Variants in DNAAF4 observed in about 807,000 individuals in gnomAD.
The protein encoded by DNAAF4 is dynein assembly factor 4, axonemal.
A neutral mutation model predicts 51.8 loss-of-function variants in DNAAF4; 43 were observed. The ratio of observed to expected loss-of-function variants is 0.83; its 90% CI spans 0.65 to 1.07. The LOEUF (loss-of-function observed/expected upper bound fraction) is 1.07. Among genes scored for constraint, DNAAF4 ranks in the 50% least tolerant of loss-of-function variants. DNAAF4 has a pLI of 0.00. For synonymous variants in DNAAF4, 194 were observed against 165.6 expected, an observed-to-expected ratio of 1.17 and a Z score of -1.32; for missense variants, 581 against 493.0, an observed-to-expected ratio of 1.18 and a Z score of -1.69.
chr15:55,507,909 C>T (rs976709629), intron 1 of DNAAF4, among the ~76,000 whole-genome samples: 1 of 152,038 alleles, frequency 6.6e-6, no homozygotes, highest in Non-Finnish European at 1.5e-5. Context: ...GAATGTGGTC[C>T]TCCCCACCAC....
chr15:55,428,490 T>C (rs112575079), downstream of DNAAF4, among the ~76,000 whole-genome samples: 1,583 of 89,952 alleles, frequency 0.018, 20 homozygotes, highest in African/African-American at 0.044. Flanking sequence ...TTTTCTTTTT[T>C]TTTTTTTTTT....
intron 5 of DNAAF4, among the ~76,000 whole-genome samples, chr15:55,456,009 T>A (rs1222530221): frequency 6.6e-6 from 1 of 152,000 alleles, no homozygotes; most frequent in Non-Finnish European, 1.5e-5. Context: ...TTATTATATA[T>A]GTGATTTTAC....
At position 55,498,451 on chromosome 15, in the gene DNAAF4, C is replaced by G. The variant is rs1172409152; in HGVS notation, c.-122G>C. 10 of 1,437,918 alleles carry G rather than the reference C, an allele frequency of 7.0e-6. No individual in the cohort carries two copies. The highest frequency in any genetic ancestry group is 8.3e-6 in the Non-Finnish European group (9 of 1,088,838). 89.1% of individuals were successfully genotyped at this position (1,437,918 alleles called of 1,614,324 possible). Reference sequence around the variant, plus strand: ...TCAGGCCGGCCGGGAGCCCGGCGTTCCCAGCGTGCTCCGGCGCCAGCACCT... The same window carrying G: ...TCAGGCCGGCCGGGAGCCCGGCGTTGCCAGCGTGCTCCGGCGCCAGCACCT... On this transcript the variant is annotated 5_prime_UTR_variant, in exon 2 of 10. Coordinates refer to ENST00000321149, the MANE Select transcript of DNAAF4 (RefSeq NM_130810.4).
At chr15:55,458,725 T>G (rs923240750) in intron 5 of DNAAF4, among the ~76,000 whole-genome samples, 11 of 152,158 alleles carry the variant, frequency 7.2e-5, no homozygotes, top group African/African-American at 2.7e-4. Context: ...GATCATTGCC[T>G]AGGCACATAG....
chr15:55,505,702 T>G (rs2058723733), intron 1 of DNAAF4, among the ~76,000 whole-genome samples: 1 of 145,800 alleles, frequency 6.9e-6, no homozygotes, highest in African/African-American at 2.6e-5. Flanking sequence ...CACTCGTAAG[T>G]GGGAGTTGAA....
Position 55,497,812 on chromosome 15 carries a change from T to C in DNAAF4, c.171A>G (p.Ile57Met). The stretch of plus-strand genomic sequence containing the variant: ...TCTTTGCTTTGCTGCTCTCATCGTC[T>C]ATGGGAGCATAAAGAAATGCCTCAA... Reference protein sequence around the residue: ...FLFEAFLYAPIDDESSKAKIG... With the variant: ...FLFEAFLYAPMDDESSKAKIG... The change falls in exon 3 of 10, where the codon ATA becomes ATG. Residue 57 changes from isoleucine to methionine, a missense_variant. Physicochemically the swap from Ile to Met is conservative, Grantham distance 10. Coordinates refer to ENST00000321149, the MANE Select transcript of DNAAF4 (RefSeq NM_130810.4). 6.2e-7 allele frequency: 1 copy of C among 1,613,738 alleles called. No individual in the cohort carries two copies. The highest frequency in any genetic ancestry group is 1.1e-5 in the South Asian group (1 of 90,930).
chr15:55,487,427 C>T lies in DNAAF4; in HGVS notation c.405+3696G>A, dbSNP rs533056496. ...CAGCACTCTGTAAAATGGACCAATC[C>T]GCAGGACATAGACGGGGACAAATAA... On this transcript the variant is annotated intron_variant, in intron 4 of 9. Coordinates refer to ENST00000321149, the MANE Select transcript of DNAAF4 (RefSeq NM_130810.4). Among the ~76,000 whole-genome samples, 356 of 151,654 alleles carry T rather than the reference C, an allele frequency of 2.3e-3. 3 individuals are homozygous for T. Among genetic ancestry groups the T allele is most frequent in the African/African-American group, 8.0e-3 (331 of 41,416 alleles).
Position 55,439,536 on chromosome 15 carries a change from T to C in DNAAF4, c.829A>G (p.Ile277Val), listed in dbSNP as rs144616491. 1.5e-4 allele frequency: 245 copies of C among 1,614,042 alleles called. No individual in the cohort carries two copies. The highest frequency in any genetic ancestry group is 2.0e-4 in the Non-Finnish European group (234 of 1,180,030). The change falls in exon 7 of 10, where the codon ATA becomes GTA. Residue 277 changes from isoleucine to valine, a missense_variant. Transcript: ENST00000321149. ...AEARRAMNTD[I>V]AELCDLKEEE... ...TCTTTTAAATCGCAAAGTTCAGCTA[T>C]GTCAGTATTCATTGCTCTTCGTGCC... is the stretch of plus-strand genomic sequence containing the variant.
intron 4 of DNAAF4, among the ~76,000 whole-genome samples, chr15:55,470,209 G>A (rs200029391): frequency 2.0e-4 from 31 of 152,008 alleles, no homozygotes; most frequent in East Asian, 5.9e-4. Flanking sequence ...ATACCACCAC[G>A]CCTGGCTAAT....
intron 4 of DNAAF4, among the ~76,000 whole-genome samples, chr15:55,489,313 A>G (rs1041464273): frequency 5.9e-5 from 9 of 151,804 alleles, no homozygotes; most frequent in Non-Finnish European, 1.2e-4. Context: ...AATAAAGAAA[A>G]GATGGAATTA....
At chr15:55,499,414 G>A (rs775721935) in intron 1 of DNAAF4, among the ~76,000 whole-genome samples, 5 of 152,190 alleles carry the variant, frequency 3.3e-5, no homozygotes, top group Admixed American at 6.5e-5. Context: ...AACCTGGGCA[G>A]AAACTTTTGC....
intron 9 of DNAAF4, among the ~76,000 whole-genome samples, chr15:55,431,211 C>A (rs766068783): frequency 2.0e-5 from 3 of 152,064 alleles, no homozygotes; most frequent in Non-Finnish European, 2.9e-5. Context: ...CCGTGCCCGG[C>A]CCCTAAATCT....
rs972346622 is a variant in DNAAF4 at position 55,430,450 on chromosome 15, A to C, written c.*220T>G. The C allele has an allele frequency of 9.6e-7, 1 of 1,042,200 alleles. No individual in the cohort carries two copies. Among genetic ancestry groups the C allele is most frequent in the Non-Finnish European group, 1.2e-6 (1 of 847,422 alleles). 64.6% of individuals were successfully genotyped at this position (1,042,200 alleles called of 1,614,324 possible). A position where few individuals can be genotyped will look rare whatever the true frequency, so the allele number is the denominator to read the frequency against. On this transcript the variant is annotated 3_prime_UTR_variant, in exon 10 of 10. Transcript: ENST00000321149. Reference sequence around the variant, plus strand: ...AAAAGTATACATATGTATTAATATGAAGAAATAAGGAATTAAAATAGATTC... The same window carrying C: ...AAAAGTATACATATGTATTAATATGCAGAAATAAGGAATTAAAATAGATTC...
chr15:55,443,204 G>T, intron 6 of DNAAF4: 1 of 1,609,910 alleles, frequency 6.2e-7, no homozygotes, highest in South Asian at 1.1e-5. Context: ...TTCCAGCTGG[G>T]GTTGGGGACA....
At chr15:55,427,978 G>C (rs1291925804), downstream of DNAAF4, among the ~76,000 whole-genome samples, 1 of 151,532 alleles carries the variant, frequency 6.6e-6, no homozygotes, top group Non-Finnish European at 1.5e-5. Context: ...TGGAGATGGA[G>C]TTTCACTCCT....
At chr15:55,426,499 G>A (rs2057431848), downstream of DNAAF4, among the ~76,000 whole-genome samples, 1 of 152,192 alleles carries the variant, frequency 6.6e-6, no homozygotes, top group African/African-American at 2.4e-5. Flanking sequence ...CCAAGATGGA[G>A]TCTGTTAGGT....
intron 3 of DNAAF4, among the ~76,000 whole-genome samples, chr15:55,492,585 G>A (rs1264756785): frequency 1.3e-5 from 2 of 151,940 alleles, no homozygotes; most frequent in African/African-American, 4.8e-5. Context: ...CTGTTGCCAG[G>A]CTGGAGTGCT....
intron 4 of DNAAF4, among the ~76,000 whole-genome samples, chr15:55,480,855 A>G (rs1386896528): frequency 6.6e-6 from 1 of 152,168 alleles, no homozygotes; most frequent in African/African-American, 2.4e-5. Context: ...TGGGCTCTGT[A>G]TCCCCACCCA....
chr15:55,473,968 G>C (rs2058302666), intron 4 of DNAAF4, among the ~76,000 whole-genome samples: 2 of 151,664 alleles, frequency 1.3e-5, no homozygotes, highest in South Asian at 4.2e-4. Context: ...CTCCAGCCTG[G>C]GTCACAGAGC....
Sources: gnomAD v4.1 joint callset for allele counts (sites outside exome capture counted in the v4.1 genomes callset) on GRCh38, gnomAD v4.1.1 for gene constraint, MANE v1.5 for transcripts, NCBI Gene and HGNC (gene_info 2026-07-23, HGNC 2026-07-21) for gene names.